The following ARHGEF10L variants were observed in gnomAD, a reference collection of about 807,000 sequenced individuals.
ARHGEF10L encodes the protein rho guanine nucleotide exchange factor 10-like protein.
A neutral mutation model predicts 141.2 loss-of-function variants in ARHGEF10L; 69 were observed. The ratio of observed to expected loss-of-function variants is 0.49; its 90% CI spans 0.40 to 0.60. The LOEUF (loss-of-function observed/expected upper bound fraction) is 0.60, where lower values mean the gene tolerates loss of function less well. Ranked by LOEUF, ARHGEF10L falls within the 20% of genes least tolerant of loss-of-function variation. The pLI, the probability that ARHGEF10L is intolerant of heterozygous loss-of-function variation, is 0.00. For missense variants in ARHGEF10L, 1,482 were observed against 1,734.3 expected (o/e 0.85, Z 2.58); for synonymous variants, 711 against 718.5 (o/e 0.99, Z 0.17).
At chr1:17,604,755 C>T (rs573518480) in intron 6 of ARHGEF10L, 1 of 152,394 alleles carries the variant, frequency 6.6e-6, no homozygotes, top group South Asian at 2.1e-4. Flanking sequence ...AATGGATTCC[C>T]ACTGTATTAG....
chr1:17,619,280 C>A lies in ARHGEF10L; in HGVS notation c.836-59C>A. 1.3e-6 allele frequency: 2 copies of A among 1,520,424 alleles called. No individual in the cohort carries two copies. Among genetic ancestry groups the A allele is most frequent in the Non-Finnish European group, 1.8e-6 (2 of 1,105,192 alleles). The allele number at this position is 1,520,424 out of a possible 1,614,324, so 94.2% of individuals were successfully genotyped here. A position where few individuals can be genotyped will look rare whatever the true frequency, so the allele number is the denominator to read the frequency against. ...CTAGGGGGGCTCTCAGCTCCTGAGG[C>A]CTGAGCAGGGTGTGCTGTCCCTGCC... is the stretch of plus-strand genomic sequence containing the variant. On this transcript the variant is annotated intron_variant, in intron 9 of 28. Transcript: ENST00000361221. This position sits in a 1 kb window ranked among gnomAD's most constrained non-coding sequence, Gnocchi z 5.0.
intron 1 of ARHGEF10L, among the ~76,000 whole-genome samples, chr1:17,541,256 C>T (rs1205141590): frequency 6.6e-6 from 1 of 152,198 alleles, no homozygotes; most frequent in African/African-American, 2.4e-5. Flanking sequence ...GAGCTACTTC[C>T]TCTCCAGTGA....
In ARHGEF10L at chr1:17,697,696, G is replaced by C. The variant is rs2065605539; in HGVS notation, c.*316G>C. Reference sequence around the variant, plus strand: ...TGGGCCCTAGCGGGACTCCAAGGCAGCCACACGCCCCTCCTGGAAGGGTGT... The same window carrying C: ...TGGGCCCTAGCGGGACTCCAAGGCACCCACACGCCCCTCCTGGAAGGGTGT... On this transcript the variant is annotated 3_prime_UTR_variant, in exon 29 of 29. Coordinates refer to ENST00000361221, the MANE Select transcript of ARHGEF10L (RefSeq NM_018125.4). The surrounding 1 kb of genome is among the most constrained non-coding windows in gnomAD (Gnocchi z 4.8). 2 of 539,086 alleles carry C rather than the reference G, an allele frequency of 3.7e-6. No homozygotes were observed. Among genetic ancestry groups the C allele is most frequent in the African/African-American group, 1.9e-5 (1 of 53,456 alleles). The allele number at this position is 539,086 out of a possible 1,614,324, so 33.4% of individuals were successfully genotyped here. A position where few individuals can be genotyped will look rare whatever the true frequency, so the allele number is the denominator to read the frequency against.
At chr1:17,533,558 C>T in the ARHGEF10L span, among the ~76,000 whole-genome samples, 3 of 152,184 alleles carry the variant, frequency 2.0e-5, no homozygotes, top group Non-Finnish European at 4.4e-5. Context: ...AGGAGCAGCT[C>T]AGGGAAGTGA....
At chr1:17,651,153 A>G (rs950472183) in intron 22 of ARHGEF10L, among the ~76,000 whole-genome samples, 1 of 152,122 alleles carries the variant, frequency 6.6e-6, no homozygotes, top group Admixed American at 6.5e-5. Flanking sequence ...CTCTATATAT[A>G]TACATTTTTG....
At chr1:17,676,172 GCAGGTGTGGGTA>G in intron 26 of ARHGEF10L, among the ~76,000 whole-genome samples, 1 of 147,468 alleles carries the variant, frequency 6.8e-6, no homozygotes, top group Admixed American at 6.7e-5. Context: ...AGGCGTGGGT[GCAGGTGTGGGTA>G]CAGGTGTAGG....
rs1347092978 is a variant in ARHGEF10L at position 17,558,942 on chromosome 1, A to G, written c.-44+18992A>G. Among the ~76,000 whole-genome samples the G allele has an allele frequency of 6.6e-6, 1 of 152,124 alleles. No homozygotes were observed. Among genetic ancestry groups the G allele is most frequent in the Non-Finnish European group, 1.5e-5 (1 of 68,020 alleles). ...TCGGCTTTCAGCTCTTTTCTTGTGT[A>G]GATTGGAGCCTTTGCATTCATGAAA... is the stretch of plus-strand genomic sequence containing the variant. On this transcript the variant is annotated intron_variant, in intron 1 of 28. Transcript: ENST00000361221. This position sits in a 1 kb window ranked among gnomAD's most constrained non-coding sequence, Gnocchi z 4.2.
rs149715803 is a variant in ARHGEF10L, at chr1:17,662,846, C to T, written c.2861-1601C>T. Reference sequence around the variant, plus strand: ...GCTGGCTCAGAGGGGAAGGGTCTGCCTGTGATGGGCTGCTCTGTACTCTTA... The same window carrying T: ...GCTGGCTCAGAGGGGAAGGGTCTGCTTGTGATGGGCTGCTCTGTACTCTTA... On this transcript the variant is annotated intron_variant, in intron 25 of 28. Transcript: ENST00000361221. Among the ~76,000 whole-genome samples the T allele has an allele frequency of 4.2e-3, 637 of 152,250 alleles. 7 individuals carry two copies. The highest frequency in any genetic ancestry group is 0.015 in the African/African-American group (607 of 41,552).
intron 2 of ARHGEF10L, among the ~76,000 whole-genome samples, chr1:17,586,210 A>C (rs1444325357): frequency 1.3e-5 from 2 of 152,226 alleles, no homozygotes; most frequent in Admixed American, 1.3e-4. Context: ...GCTGATGTTC[A>C]TGTCAGCCTT....
At chr1:17,530,685 G>T in the ARHGEF10L span, among the ~76,000 whole-genome samples, 1 of 152,114 alleles carries the variant, frequency 6.6e-6, no homozygotes, top group Non-Finnish European at 1.5e-5. Flanking sequence ...TTACCTTTCC[G>T]GACCTCAGTT....
intron 26 of ARHGEF10L, among the ~76,000 whole-genome samples, chr1:17,670,429 C>T (rs185199199): frequency 3.5e-4 from 54 of 152,362 alleles, no homozygotes; most frequent in African/African-American, 1.1e-3. Flanking sequence ...TAGATCGCAC[C>T]GCCTTCAAAG....
intron 1 of ARHGEF10L, among the ~76,000 whole-genome samples, chr1:17,563,743 G>A (rs909288001): frequency 6.6e-6 from 1 of 152,128 alleles, no homozygotes; most frequent in Non-Finnish European, 1.5e-5. Context: ...CATTTGCTAG[G>A]TTGTGGAGCT....
intron 26 of ARHGEF10L, among the ~76,000 whole-genome samples, chr1:17,672,069 C>T (rs531193382): frequency 2.8e-4 from 43 of 152,274 alleles, no homozygotes; most frequent in African/African-American, 1.0e-3. Flanking sequence ...TCTGATGCCT[C>T]CTGCCGGTAC....
the ARHGEF10L span, among the ~76,000 whole-genome samples, chr1:17,527,267 C>T: frequency 1.4e-4 from 22 of 152,362 alleles, no homozygotes; most frequent in African/African-American, 4.3e-4. Context: ...GGCTGGCTGA[C>T]GCCGCTGATC....
intron 1 of ARHGEF10L, among the ~76,000 whole-genome samples, chr1:17,544,768 C>T (rs1427884519): frequency 6.6e-6 from 1 of 152,000 alleles, no homozygotes; most frequent in Non-Finnish European, 1.5e-5. Flanking sequence ...ATACCTGAGA[C>T]TAGGTAATTT....
At chr1:17,577,172 G>A (rs1225785481) in intron 1 of ARHGEF10L, among the ~76,000 whole-genome samples, 1 of 152,200 alleles carries the variant, frequency 6.6e-6, no homozygotes, top group Non-Finnish European at 1.5e-5. Context: ...AGCTTCTCGA[G>A]TAGCTGGGAC....
intron 1 of ARHGEF10L, among the ~76,000 whole-genome samples, chr1:17,556,157 G>T (rs1180604381): frequency 2.5e-5 from 2 of 79,276 alleles, no homozygotes; most frequent in East Asian, 5.5e-4. Context: ...CATATGGGGG[G>T]CCTGGGAGCA....
chr1:17,681,743 G>T (rs2064144121), intron 26 of ARHGEF10L, among the ~76,000 whole-genome samples: 1 of 152,156 alleles, frequency 6.6e-6, no homozygotes, highest in African/African-American at 2.4e-5. Flanking sequence ...CCTTCTAAAG[G>T]TGCTGGTTTC....
intron 4 of ARHGEF10L, 113 bp downstream of exon 4, chr1:17,588,592 G>A: frequency 7.4e-7 from 1 of 1,359,740 alleles, no homozygotes. Flanking sequence ...TTTGGCTAAG[G>A]AGGAAAGCAT....
Sources: gnomAD v4.1 joint callset for allele counts (sites outside exome capture counted in the v4.1 genomes callset) on GRCh38, gnomAD v4.1.1 for gene constraint, Gnocchi (gnomAD v3.1) non-coding constraint, MANE v1.5 for transcripts, NCBI Gene and HGNC (gene_info 2026-07-23, HGNC 2026-07-21) for gene names.